Variants in OTUD7A observed in about 807,000 individuals in gnomAD.
OTUD7A encodes OTU domain-containing protein 7A.
Under a neutral mutation model 65.7 loss-of-function variants are expected in OTUD7A, and 12 were observed. The ratio of observed to expected loss-of-function variants is 0.18; its 90% confidence interval spans 0.12 to 0.30. The LOEUF is 0.30. Ranked by LOEUF, OTUD7A falls within the 10% of genes least tolerant of loss-of-function variation. The pLI, the probability that OTUD7A is intolerant of heterozygous loss-of-function variation, is 1.00. For synonymous variants in OTUD7A, 641 were observed against 586.3 expected (o/e 1.09, Z -1.35); for missense variants, 1,148 against 1,304.8 (o/e 0.88, Z 1.85).
intron 8 of OTUD7A, among the ~76,000 whole-genome samples, chr15:31,516,212 T>G (rs185371507): frequency 6.6e-6 from 1 of 152,384 alleles, no homozygotes; most frequent in East Asian, 1.9e-4. Context: ...ACCATTGTAC[T>G]GGCATGGCAT....
chr15:31,524,255 G>A (rs1368923996), intron 8 of OTUD7A, among the ~76,000 whole-genome samples: 1 of 152,142 alleles, frequency 6.6e-6, no homozygotes, highest in African/African-American at 2.4e-5. Context: ...GCATCTGTGG[G>A]GACCAGGTGG....
chr15:31,771,601 A>C (rs1895236137), intron 1 of OTUD7A, among the ~76,000 whole-genome samples: 1 of 152,188 alleles, frequency 6.6e-6, no homozygotes, highest in Non-Finnish European at 1.5e-5. Context: ...ACTTGAATGA[A>C]TGCAACAGCC....
chr15:31,716,308 TATTG>T (rs200817433), intron 1 of OTUD7A, among the ~76,000 whole-genome samples: 77,755 of 81,114 alleles, frequency 0.96, 37,338 homozygotes, highest in Non-Finnish European at 1. Context: ...TTATATGTAA[TATTG>T]ATTAATATAT....
At position 31,860,630 on chromosome 15, in the gene OTUD7A, T is replaced by C. The variant is rs202131461; in HGVS notation, c.-100+9877A>G. ...TCGACCCCAGAAGTGGAGATATATA[T>C]ATATATATATATATGTATGTATGTG... On this transcript the variant is annotated intron_variant, in intron 1 of 12. Transcript: ENST00000307050. Among the ~76,000 whole-genome samples, 131 of 18,462 alleles carry C rather than the reference T, an allele frequency of 7.1e-3. 1 individual carries two copies. Among genetic ancestry groups the C allele is most frequent in the Middle Eastern group, 0.026 (1 of 38 alleles). The allele number at this position is 18,462 out of a possible 152,430, so 12.1% of individuals were successfully genotyped here.
intron 3 of OTUD7A, among the ~76,000 whole-genome samples, chr15:31,607,606 A>G (rs1890273713): frequency 1.3e-5 from 2 of 152,222 alleles, no homozygotes; most frequent in South Asian, 4.1e-4. Flanking sequence ...AATGGAGCTG[A>G]AAAATTCCTA....
At chr15:31,795,837 C>T (rs1419747623) in intron 1 of OTUD7A, among the ~76,000 whole-genome samples, 1 of 152,106 alleles carries the variant, frequency 6.6e-6, no homozygotes, top group African/African-American at 2.4e-5. Context: ...GGAACAGGCC[C>T]ATATGTATCC....
intron 3 of OTUD7A, among the ~76,000 whole-genome samples, chr15:31,636,976 T>C (rs1891361334): frequency 6.6e-6 from 1 of 152,070 alleles, no homozygotes; most frequent in Admixed American, 6.5e-5. Flanking sequence ...TTCAATAACA[T>C]AAAAGTTTCA....
chr15:31,663,246 A>AAC (rs531313199), intron 1 of OTUD7A, among the ~76,000 whole-genome samples: 16,044 of 140,550 alleles, frequency 0.11, 892 homozygotes, highest in South Asian at 0.13. Context: ...TCTTGGGCTA[A>AAC]ACACACACAC....
chr15:31,842,359 C>T (rs540974487), intron 1 of OTUD7A, among the ~76,000 whole-genome samples: 1 of 152,362 alleles, frequency 6.6e-6, no homozygotes, highest in Admixed American at 6.5e-5. Flanking sequence ...GCATGAGATT[C>T]TACTGCCATA....
intron 3 of OTUD7A, among the ~76,000 whole-genome samples, chr15:31,594,063 TG>T (rs1889833561): frequency 6.6e-6 from 1 of 152,152 alleles, no homozygotes; most frequent in Admixed American, 6.5e-5. Context: ...AACCTTAAAA[TG>T]GTTCTTAAAA....
At chr15:31,499,372 G>C (rs2041430945) in intron 10 of OTUD7A, among the ~76,000 whole-genome samples, 1 of 152,166 alleles carries the variant, frequency 6.6e-6, no homozygotes, top group South Asian at 2.1e-4. Context: ...GTGGCATCCT[G>C]GGGCTCGATA....
chr15:31,496,455 C>T (rs2041385872), intron 10 of OTUD7A, among the ~76,000 whole-genome samples: 1 of 152,138 alleles, frequency 6.6e-6, no homozygotes, highest in Admixed American at 6.5e-5. Flanking sequence ...ATCTCCTGAC[C>T]TCGTGATCCG....
At chr15:31,586,869 GTCC>G (rs1391905052) in intron 3 of OTUD7A, among the ~76,000 whole-genome samples, 4 of 151,858 alleles carry the variant, frequency 2.6e-5, no homozygotes, top group Non-Finnish European at 4.4e-5. Flanking sequence ...CCCCTGCTGG[GTCC>G]TCCTCCTCCT....
intron 9 of OTUD7A, 88 bp from the exon 10 acceptor site, chr15:31,501,927 CG>C (rs752761957): frequency 1.3e-5 from 18 of 1,409,280 alleles, no homozygotes; most frequent in Middle Eastern, 2.5e-4. Context: ...CTCACTACCC[CG>C]GGGGGACTCC....
At chr15:31,787,533 C>T (rs575814031) in intron 1 of OTUD7A, 6 of 152,222 alleles carry the variant, frequency 3.9e-5, no homozygotes, top group African/African-American at 1.2e-4. Flanking sequence ...TGGAGAGGTA[C>T]CCTATGAACA....
intron 1 of OTUD7A, among the ~76,000 whole-genome samples, chr15:31,697,570 G>A (rs1280255302): frequency 6.6e-6 from 1 of 150,704 alleles, no homozygotes; most frequent in Non-Finnish European, 1.5e-5. Context: ...GCTACTTGGG[G>A]TTCAGGAGGT....
At chr15:31,792,570 T>G (rs968200446) in intron 1 of OTUD7A, among the ~76,000 whole-genome samples, 1 of 152,188 alleles carries the variant, frequency 6.6e-6, no homozygotes, top group African/African-American at 2.4e-5. Context: ...CCCACCTTTA[T>G]TCAGGTTGCA....
rs560882521 is a variant in OTUD7A, at chr15:31,622,236, T to C, written c.151+32860A>G. 1.1e-3 allele frequency among the ~76,000 whole-genome samples: 167 copies of C among 152,308 alleles called. 3 individuals are homozygous for C. Among genetic ancestry groups the C allele is most frequent in the Non-Finnish European group, 5.0e-4 (34 of 68,030 alleles). The stretch of plus-strand genomic sequence containing the variant: ...TCAACTTTGGTGAATCTGACAATTA[T>C]GTGTCTTGGAGTTGCTCTTCTCAAG... On this transcript the variant is annotated intron_variant, in intron 3 of 12. Coordinates refer to ENST00000307050, the MANE Select transcript of OTUD7A (RefSeq NM_001382637.1).
chr15:31,514,037 T>C (rs1412933201), intron 8 of OTUD7A, among the ~76,000 whole-genome samples: 1 of 141,666 alleles, frequency 7.1e-6, no homozygotes, highest in African/African-American at 2.6e-5. Flanking sequence ...TCTTTTTTTC[T>C]TTTCTTTCTT....
Sources: gnomAD v4.1 joint callset for allele counts (sites outside exome capture counted in the v4.1 genomes callset) on GRCh38, gnomAD v4.1.1 for gene constraint, MANE v1.5 for transcripts, NCBI Gene and HGNC (gene_info 2026-07-23, HGNC 2026-07-21) for gene names.